The following GRIA1 variants were observed in gnomAD, a reference collection of about 807,000 sequenced individuals.
GRIA1 encodes the protein glutamate ionotropic receptor AMPA type subunit 1.
A neutral mutation model predicts 99.2 loss-of-function variants in GRIA1; 31 were observed. The ratio of observed to expected loss-of-function variants is 0.31; its 90% CI spans 0.23 to 0.42. GRIA1 has a LOEUF of 0.42. Ranked by LOEUF, GRIA1 falls within the 10% of genes least tolerant of loss-of-function variation. GRIA1 has a pLI of 1.00. For missense variants in GRIA1, 782 were observed against 1,157.5 expected, an observed-to-expected ratio of 0.68 and a Z score of 4.71; for synonymous variants, 438 against 432.4, an observed-to-expected ratio of 1.01 and a Z score of -0.16.
chr5:153,753,380 G>A lies in GRIA1; in HGVS notation c.1824-11054G>A, dbSNP rs555994381. Among the ~76,000 whole-genome samples, 94 of 152,316 alleles carry A rather than the reference G, an allele frequency of 6.2e-4. 2 individuals are homozygous for A. In the South Asian group the frequency reaches 0.018, roughly 29 times the overall value. On this transcript the variant is annotated intron_variant, in intron 11 of 15. Coordinates refer to ENST00000285900, the MANE Select transcript of GRIA1 (RefSeq NM_000827.4). ...GGGCTTTGAAGAAGTCAGTGCTGCTGAGATCCAACATCACAGGAGTCATGA... is the reference window on the plus strand; with the variant it reads ...GGGCTTTGAAGAAGTCAGTGCTGCTAAGATCCAACATCACAGGAGTCATGA...
rs70976100 is a variant in GRIA1, at chr5:153,499,613, C to CAAAAA, written c.220+5571_220+5575dup. ...CTGGCAACAGAGCGAGAATTTGTCT[C>CAAAAA]AAAAAAAAAAAAAAAAAAAAAAAAA... is the stretch of plus-strand genomic sequence containing the variant. On this transcript the variant is annotated intron_variant, in intron 2 of 15. Transcript: ENST00000285900. Among the ~76,000 whole-genome samples the CAAAAA allele has an allele frequency of 1.9e-3, 81 of 42,112 alleles. 9 individuals carry two copies. The highest frequency in any genetic ancestry group is 4.2e-3 in the South Asian group (3 of 710). 27.6% of individuals were successfully genotyped at this position (42,112 alleles called of 152,430 possible).
At chr5:153,607,531 A>G (rs959181659) in intron 2 of GRIA1, among the ~76,000 whole-genome samples, 11 of 151,788 alleles carry the variant, frequency 7.2e-5, no homozygotes, top group African/African-American at 2.7e-4. Flanking sequence ...GGCTTGTTTC[A>G]GATTTACTAA....
chr5:153,690,706 C>T (rs1008514383), intron 8 of GRIA1, among the ~76,000 whole-genome samples: 16 of 152,144 alleles, frequency 1.1e-4, no homozygotes, highest in African/African-American at 3.9e-4. Context: ...AACAGAGTAC[C>T]TTAAAATCCA....
intron 11 of GRIA1, among the ~76,000 whole-genome samples, chr5:153,722,359 G>A (rs1435245526): frequency 6.6e-6 from 1 of 152,108 alleles, no homozygotes. Context: ...TTTATGCCTA[G>A]TACTTTTTGT....
At chr5:153,602,932 G>C (rs1430542899) in intron 2 of GRIA1, among the ~76,000 whole-genome samples, 1 of 152,114 alleles carries the variant, frequency 6.6e-6, no homozygotes, top group Non-Finnish European at 1.5e-5. Context: ...AACTGTCATA[G>C]ATATTGATCT....
At chr5:153,508,583 A>G (rs1200003287) in intron 2 of GRIA1, among the ~76,000 whole-genome samples, 1 of 152,236 alleles carries the variant, frequency 6.6e-6, no homozygotes, top group Admixed American at 6.5e-5. Flanking sequence ...TAAGGAATTG[A>G]CATGGAGTTT....
At chr5:153,543,356 G>A (rs992477005) in intron 2 of GRIA1, among the ~76,000 whole-genome samples, 1 of 152,174 alleles carries the variant, frequency 6.6e-6, no homozygotes, top group Non-Finnish European at 1.5e-5. Flanking sequence ...GTATATACAA[G>A]GCATGGTACT....
intron 14 of GRIA1, among the ~76,000 whole-genome samples, chr5:153,798,108 T>A (rs1025857876): frequency 2.0e-5 from 3 of 152,210 alleles, no homozygotes; most frequent in Non-Finnish European, 4.4e-5. Flanking sequence ...TTCCTGAATG[T>A]GTTCATGTTT....
At chr5:153,627,130 T>C (rs1316160855) in intron 2 of GRIA1, among the ~76,000 whole-genome samples, 2 of 152,208 alleles carry the variant, frequency 1.3e-5, no homozygotes, top group Admixed American at 1.3e-4. Context: ...TTATCTTTCT[T>C]AGTGGCCAGA....
chr5:153,623,129 A>G lies in GRIA1; in HGVS notation c.221-23799A>G, dbSNP rs116325456. 5.5e-3 allele frequency among the ~76,000 whole-genome samples: 842 copies of G among 152,274 alleles called. 10 individuals carry two copies. The highest frequency in any genetic ancestry group is 0.02 in the African/African-American group (818 of 41,572). On this transcript the variant is annotated intron_variant, in intron 2 of 15. Transcript: ENST00000285900. ...TCAACCATTAAGGCAAGGGCAGAAA[A>G]TGGGTTTTATCAAGCCTGTCAATTC... is the stretch of plus-strand genomic sequence containing the variant.
chr5:153,734,313 A>AC (rs1261200619), intron 11 of GRIA1, among the ~76,000 whole-genome samples: 1 of 151,870 alleles, frequency 6.6e-6, no homozygotes, highest in South Asian at 2.1e-4. Context: ...GCTCTTAAGG[A>AC]CCCCCCTAAG....
Position 153,699,061 on chromosome 5 carries a change from G to T in GRIA1, c.1440G>T (p.Glu480Asp). ...AGGCCTGGAATGGCATGGTGGGAGA[G>T]CTGGTCTATGGAGTAAGTTCACTGC... is the stretch of plus-strand genomic sequence containing the variant. ...DTKAWNGMVG[E>D]LVYGRADVAV... Residue 480 changes from glutamate to aspartate, a missense_variant, in exon 10 of 16, where the codon GAG becomes GAT. Glu to Asp is a conservative substitution (Grantham distance 45). Coordinates refer to ENST00000285900, the MANE Select transcript of GRIA1 (RefSeq NM_000827.4). 1 of 1,612,390 alleles carries T rather than the reference G, an allele frequency of 6.2e-7. No homozygotes were observed.
At chr5:153,513,100 A>G (rs921616318) in intron 2 of GRIA1, among the ~76,000 whole-genome samples, 1 of 152,198 alleles carries the variant, frequency 6.6e-6, no homozygotes, top group Non-Finnish European at 1.5e-5. Flanking sequence ...TTGTTGTTTA[A>G]GTCACCATTC....
chr5:153,802,129 T>C (rs1388187920), intron 14 of GRIA1, among the ~76,000 whole-genome samples: 1 of 152,128 alleles, frequency 6.6e-6, no homozygotes, highest in Non-Finnish European at 1.5e-5. Context: ...TTCAACATAG[T>C]CAGGGAGGCT....
intron 2 of GRIA1, among the ~76,000 whole-genome samples, chr5:153,620,643 T>C (rs1301664581): frequency 6.6e-6 from 1 of 152,194 alleles, no homozygotes; most frequent in Non-Finnish European, 1.5e-5. Flanking sequence ...ATTTAAATAT[T>C]AGACTAAAAA....
At chr5:153,762,677 C>T (rs1269664354) in intron 11 of GRIA1, among the ~76,000 whole-genome samples, 1 of 152,124 alleles carries the variant, frequency 6.6e-6, no homozygotes, top group African/African-American at 2.4e-5. Context: ...CTTCTCTGTC[C>T]TCCTTAGAGT....
intron 7 of GRIA1, among the ~76,000 whole-genome samples, chr5:153,685,711 G>A: frequency 6.6e-6 from 1 of 152,158 alleles, no homozygotes; most frequent in African/African-American, 2.4e-5. Flanking sequence ...TTTATTCCCT[G>A]GACTCAGGAA....
chr5:153,784,422 G>A (rs1304718508), intron 13 of GRIA1, among the ~76,000 whole-genome samples: 2 of 151,918 alleles, frequency 1.3e-5, no homozygotes, highest in South Asian at 2.1e-4. Context: ...AAATTAATTT[G>A]TGTCATTTGT....
intron 11 of GRIA1, among the ~76,000 whole-genome samples, chr5:153,763,021 G>A (rs781749473): frequency 1.6e-4 from 25 of 152,016 alleles, no homozygotes; most frequent in South Asian, 6.2e-4. Flanking sequence ...GCTTTGCTCC[G>A]CTCTCCTGGT....
Sources: allele counts gnomAD v4.1 joint callset (sites outside exome capture counted in the v4.1 genomes callset), GRCh38; gene constraint gnomAD v4.1.1; transcripts MANE v1.5; gene names NCBI Gene and HGNC (gene_info 2026-07-23, HGNC 2026-07-21).